The following CPEB3 variants were observed in gnomAD, a reference collection of about 807,000 sequenced individuals.
CPEB3 encodes the protein cytoplasmic polyadenylation element-binding protein 3.
Under a neutral mutation model 67.2 loss-of-function variants are expected in CPEB3, and 20 were observed. The observed-to-expected ratio is 0.30, with a 90% confidence interval of 0.21 to 0.43. The LOEUF (loss-of-function observed/expected upper bound fraction) is 0.43, where lower values mean the gene tolerates loss of function less well. Ranked by LOEUF, CPEB3 falls within the 20% of genes least tolerant of loss-of-function variation. The pLI, the probability that CPEB3 is intolerant of heterozygous loss-of-function variation, is 1.00. For synonymous variants in CPEB3, 376 were observed against 393.1 expected, an observed-to-expected ratio of 0.96 and a Z score of 0.51; for missense variants, 746 against 968.6, an observed-to-expected ratio of 0.77 and a Z score of 3.05.
At chr10:92,058,783 T>C (rs1476339418) in intron 9 of CPEB3, among the ~76,000 whole-genome samples, 4 of 151,334 alleles carry the variant, frequency 2.6e-5, no homozygotes, top group Non-Finnish European at 5.9e-5. Context: ...TCTTTATTGA[T>C]GAAAGATGCA....
At chr10:92,194,226 G>C (rs2134190131) in intron 2 of CPEB3, among the ~76,000 whole-genome samples, 1 of 152,020 alleles carries the variant, frequency 6.6e-6, no homozygotes. Context: ...CAGATCATGA[G>C]GTCAGGAGAC....
intron 2 of CPEB3, among the ~76,000 whole-genome samples, chr10:92,226,247 C>T (rs1850968710): frequency 6.6e-6 from 1 of 152,200 alleles, no homozygotes; most frequent in Non-Finnish European, 1.5e-5. Flanking sequence ...AGAGGCTTCC[C>T]AACCACACAC....
At chr10:92,150,254 CTCTT>C (rs1379037343) in intron 4 of CPEB3, among the ~76,000 whole-genome samples, 1 of 151,228 alleles carries the variant, frequency 6.6e-6, no homozygotes, top group Non-Finnish European at 1.5e-5. Flanking sequence ...CTCTCTCTCT[CTCTT>C]TTTTTTTTTT....
At chr10:92,175,831 T>C (rs1276045133) in intron 4 of CPEB3, among the ~76,000 whole-genome samples, 4 of 152,058 alleles carry the variant, frequency 2.6e-5, no homozygotes, top group African/African-American at 9.7e-5. Flanking sequence ...GGCTCACAGC[T>C]GTAATCCTAG....
At position 92,099,989 on chromosome 10, in the gene CPEB3, C is replaced by T. The variant is rs117807473; in HGVS notation, c.1573-8045G>A. 7.2e-5 allele frequency among the ~76,000 whole-genome samples: 11 copies of T among 152,198 alleles called. No homozygotes were observed. The East Asian group carries it at 1.9e-3, about 27-fold the overall frequency. On this transcript the variant is annotated intron_variant, in intron 7 of 9. Transcript: ENST00000265997. Reference sequence around the variant, plus strand: ...GACCAGCCTGGGCAGCATAGTGAGACCCTGTCTCTATGAAAACCTTTTCAA... The same window carrying T: ...GACCAGCCTGGGCAGCATAGTGAGATCCTGTCTCTATGAAAACCTTTTCAA...
intron 6 of CPEB3, among the ~76,000 whole-genome samples, chr10:92,126,196 C>T (rs533183602): frequency 6.6e-6 from 1 of 152,136 alleles, no homozygotes; most frequent in Non-Finnish European, 1.5e-5. Flanking sequence ...TGGGAGATTA[C>T]AATGGATAAT....
intron 2 of CPEB3, among the ~76,000 whole-genome samples, chr10:92,214,025 T>G (rs999970810): frequency 3.3e-5 from 5 of 152,150 alleles, no homozygotes; most frequent in Non-Finnish European, 7.4e-5. Flanking sequence ...TGCACACATA[T>G]TAATCTCAAG....
At chr10:92,189,137 C>T (rs928423187) in intron 3 of CPEB3, among the ~76,000 whole-genome samples, 2 of 152,102 alleles carry the variant, frequency 1.3e-5, no homozygotes, top group Non-Finnish European at 2.9e-5. Flanking sequence ...TCAAGTACAT[C>T]TTAAAGTACT....
intron 6 of CPEB3, chr10:92,136,783 ACTC>A (rs1260334173): frequency 1.3e-5 from 2 of 152,112 alleles, no homozygotes; most frequent in African/African-American, 4.8e-5. Flanking sequence ...CTGGTCTCGA[ACTC>A]CTGACCTCGT....
chr10:92,239,536 A>C lies in CPEB3; in HGVS notation c.815T>G (p.Val272Gly). Residue 272 changes from valine (V) to glycine (G), a missense_variant, in exon 2 of 10, where the codon GTC becomes GGC. By Grantham distance (109) the Val-to-Gly change is moderately radical (BLOSUM62 -3). Transcript: ENST00000265997. The surrounding 1 kb of genome is among the most constrained non-coding windows in gnomAD (Gnocchi z 6.0). ...GACACCCACACCCACGCCCACACCG[A>C]CCGCCCGGCGAGGGTCCCGGCCCGC... ...LQAGRDPRRA[V>G]GVGVGVGVGV... is the part of the protein sequence containing the mutation. 2 of 1,559,342 alleles carry C rather than the reference A, an allele frequency of 1.3e-6. No homozygotes were observed. The highest frequency in any genetic ancestry group is 1.7e-6 in the Non-Finnish European group (2 of 1,150,722).
At chr10:92,132,983 C>A (rs1590208458) in intron 6 of CPEB3, among the ~76,000 whole-genome samples, 2 of 152,134 alleles carry the variant, frequency 1.3e-5, no homozygotes, top group African/African-American at 2.4e-5. Flanking sequence ...AACAAAGACA[C>A]AATGTACCAG....
chr10:92,110,614 G>C (rs1440990977), intron 7 of CPEB3, among the ~76,000 whole-genome samples: 3 of 152,222 alleles, frequency 2.0e-5, no homozygotes, highest in Non-Finnish European at 4.4e-5. Context: ...CCATTTTAGA[G>C]TGTAAGCTCC....
At chr10:92,106,565 A>T (rs1466182133) in intron 7 of CPEB3, among the ~76,000 whole-genome samples, 1 of 152,146 alleles carries the variant, frequency 6.6e-6, no homozygotes, top group African/African-American at 2.4e-5. Flanking sequence ...TTGTAATCCT[A>T]GCACTTTGGG....
chr10:92,084,243 T>C (rs1843280004), intron 8 of CPEB3, among the ~76,000 whole-genome samples: 1 of 151,976 alleles, frequency 6.6e-6, no homozygotes, highest in Non-Finnish European at 1.5e-5. Flanking sequence ...TGTGAATCTA[T>C]CTGCTTGAAA....
At position 92,145,019 on chromosome 10, in the gene CPEB3, C is replaced by G; in HGVS notation, c.1289G>C (p.Cys430Ser). Residue 430 changes from cysteine (C) to serine (S), a missense_variant, in exon 5 of 10, where the codon TGT becomes TCT. Transcript: ENST00000265997. ...GCGTTCTACTCGTTCCCCATTTTGA[C>G]AGCGAGTGGGAGAACTTAAGCCAGA... ...LSSGLSSPTR[C>S]QNGERVERYS... The G allele has an allele frequency of 6.2e-7, 1 of 1,614,108 alleles. No individual in the cohort carries two copies. Among genetic ancestry groups the G allele is most frequent in the Non-Finnish European group, 8.5e-7 (1 of 1,179,966 alleles).
chr10:92,289,730 A>ATATATAT (rs1213696029), intron 1 of CPEB3, among the ~76,000 whole-genome samples: 2 of 114,320 alleles, frequency 1.7e-5, no homozygotes, highest in Non-Finnish European at 3.6e-5. Flanking sequence ...AAAAAAAAAA[A>ATATATAT]AAATATATAT....
intron 3 of CPEB3, among the ~76,000 whole-genome samples, chr10:92,189,204 C>G (rs1047328108): frequency 3.9e-5 from 6 of 151,962 alleles, no homozygotes; most frequent in African/African-American, 1.5e-4. Context: ...ATTGGAAAAC[C>G]AAAATAACCA....
chr10:92,118,760 C>T (rs76756772), intron 6 of CPEB3: 1 of 753,444 alleles, frequency 1.3e-6, no homozygotes, highest in South Asian at 1.4e-5. Context: ...CACAGGCAAA[C>T]AAGAGATGGA....
rs943311137 is a variant in CPEB3 at position 92,051,441 on chromosome 10, G to C, written c.*771C>G. 2.0e-5 allele frequency: 3 copies of C among 152,544 alleles called. No individual in the cohort carries two copies. The highest frequency in any genetic ancestry group is 4.4e-5 in the Non-Finnish European group (3 of 68,044). 9.4% of individuals were successfully genotyped at this position (152,544 alleles called of 1,614,324 possible). A position where few individuals can be genotyped will look rare whatever the true frequency, so the allele number is the denominator to read the frequency against. On this transcript the variant is annotated 3_prime_UTR_variant, in exon 10 of 10. Transcript: ENST00000265997. ...ACTCTATCCCTAAAATCACAAAAGT[G>C]TGTTGTTGGGTTTTTGTGTTTAATT...
Sources: allele counts gnomAD v4.1 joint callset (sites outside exome capture counted in the v4.1 genomes callset), GRCh38; gene constraint gnomAD v4.1.1; non-coding constraint Gnocchi (gnomAD v3.1); transcripts MANE v1.5; gene names NCBI Gene and HGNC (gene_info 2026-07-23, HGNC 2026-07-21).